PTPRK: variants seen among roughly 807,000 people sequenced by gnomAD.
PTPRK encodes the protein protein tyrosine phosphatase receptor type K, also known as receptor-type tyrosine-protein phosphatase kappa.
A neutral mutation model predicts 178.0 loss-of-function variants in PTPRK; 75 were observed. The ratio of observed to expected loss-of-function variants is 0.42; its 90% CI spans 0.35 to 0.51. PTPRK has a LOEUF of 0.51. Among genes scored for constraint, PTPRK ranks in the 20% least tolerant of loss-of-function variants. PTPRK has a pLI of 0.02. For missense variants in PTPRK, 1,441 were observed against 1,797.8 expected (o/e 0.80, Z 3.59); for synonymous variants, 637 against 620.6 (o/e 1.03, Z -0.39).
chr6:128,204,972 T>C (rs1417807100), intron 6 of PTPRK, among the ~76,000 whole-genome samples: 3 of 152,164 alleles, frequency 2.0e-5, no homozygotes, highest in South Asian at 2.1e-4. Context: ...TGTGTGTTCA[T>C]TGCAGCACTA....
chr6:128,200,654 C>G (rs1805730403), intron 6 of PTPRK, among the ~76,000 whole-genome samples: 1 of 151,336 alleles, frequency 6.6e-6, no homozygotes, highest in South Asian at 2.1e-4. Context: ...TTGCTTGTAT[C>G]TGGGAGGCTG....
chr6:128,138,245 T>G (rs779406960), intron 7 of PTPRK, among the ~76,000 whole-genome samples: 1 of 152,168 alleles, frequency 6.6e-6, no homozygotes, highest in Non-Finnish European at 1.5e-5. Context: ...AATTTCATCA[T>G]GCCTAGTAGA....
chr6:128,394,620 C>T (rs1840040428), intron 2 of PTPRK, among the ~76,000 whole-genome samples: 1 of 151,932 alleles, frequency 6.6e-6, no homozygotes, highest in African/African-American at 2.4e-5. Flanking sequence ...TTATGAAGTA[C>T]TCATTCTTCT....
intron 1 of PTPRK, among the ~76,000 whole-genome samples, chr6:128,436,710 C>G (rs1055077169): frequency 6.6e-6 from 1 of 151,890 alleles, no homozygotes; most frequent in Non-Finnish European, 1.5e-5. Context: ...CCAAGATCAC[C>G]GGATAGGAAA....
intron 28 of PTPRK, 76 bp from the exon 29 acceptor site, chr6:127,973,233 G>C (rs1774146271): frequency 6.3e-7 from 1 of 1,575,978 alleles, no homozygotes; most frequent in African/African-American, 1.4e-5. Flanking sequence ...TATATGTTTG[G>C]GAAAATAAGA....
intron 12 of PTPRK, 55 bp from the exon 13 acceptor site, chr6:128,064,849 T>C: frequency 4.6e-6 from 7 of 1,515,458 alleles, no homozygotes; most frequent in Non-Finnish European, 6.1e-6. Flanking sequence ...ATGTTTCCTG[T>C]TTCATAAACT....
chr6:128,460,632 C>A, intron 1 of PTPRK, among the ~76,000 whole-genome samples: 1 of 152,138 alleles, frequency 6.6e-6, no homozygotes, highest in South Asian at 2.1e-4. Context: ...TGTTCCTTCT[C>A]TATTAAGTCA....
At chr6:128,171,278 T>C (rs1039020996) in intron 7 of PTPRK, among the ~76,000 whole-genome samples, 5 of 152,008 alleles carry the variant, frequency 3.3e-5, no homozygotes, top group African/African-American at 4.8e-5. Context: ...CCAGAAATGA[T>C]GCAGTATTTG....
At chr6:128,008,707 AT>A (rs1778709283) in intron 14 of PTPRK, among the ~76,000 whole-genome samples, 1 of 151,168 alleles carries the variant, frequency 6.6e-6, no homozygotes, top group South Asian at 2.1e-4. Context: ...TAATGTTTAT[AT>A]TCTTCTCATA....
chr6:128,234,908 T>C (rs993079764), intron 5 of PTPRK, among the ~76,000 whole-genome samples: 1 of 152,242 alleles, frequency 6.6e-6, no homozygotes, highest in Non-Finnish European at 1.5e-5. Flanking sequence ...GCAATCACTT[T>C]ATCCAGTGTT....
chr6:128,190,301 G>A (rs78144484), intron 6 of PTPRK, among the ~76,000 whole-genome samples: 4,244 of 152,022 alleles, frequency 0.028, 163 homozygotes, highest in African/African-American at 0.066. Flanking sequence ...CAAGTTCCTT[G>A]GGAAGCCAAA....
rs201571531 is a variant in PTPRK at position 128,513,483 on chromosome 6, C to CA, written c.100+6775dup. Among the ~76,000 whole-genome samples, 234 of 82,010 alleles carry CA rather than the reference C, an allele frequency of 2.9e-3. 1 individual carries two copies. Among genetic ancestry groups the CA allele is most frequent in the South Asian group, 5.6e-3 (16 of 2,840 alleles). The allele number at this position is 82,010 out of a possible 152,430, so 53.8% of individuals were successfully genotyped here. ...GGGTGACAGGGCAAGACTCCATCTC[C>CA]AAAAAAAAAAAAAGAAAGAAAGAAA... On this transcript the variant is annotated intron_variant, in intron 1 of 29. Coordinates refer to ENST00000368226, the MANE Select transcript of PTPRK (RefSeq NM_002844.4).
chr6:128,473,252 C>T (rs1374915027), intron 1 of PTPRK, among the ~76,000 whole-genome samples: 2 of 152,068 alleles, frequency 1.3e-5, no homozygotes, highest in East Asian at 3.9e-4. Flanking sequence ...GATATTTCCT[C>T]ATGATGAGAT....
At chr6:128,086,070 T>A (rs1373357620) in intron 8 of PTPRK, among the ~76,000 whole-genome samples, 1 of 152,182 alleles carries the variant, frequency 6.6e-6, no homozygotes, top group Non-Finnish European at 1.5e-5. Flanking sequence ...GCAGGGAATG[T>A]CACTTCACAT....
intron 13 of PTPRK, among the ~76,000 whole-genome samples, chr6:128,034,414 C>T (rs549457149): frequency 2.0e-5 from 3 of 152,258 alleles, no homozygotes; most frequent in East Asian, 3.9e-4. Context: ...AAAAAGAATC[C>T]GTAAACTCTT....
At chr6:128,271,507 A>G (rs1186538608) in intron 3 of PTPRK, among the ~76,000 whole-genome samples, 1 of 152,102 alleles carries the variant, frequency 6.6e-6, no homozygotes, top group Non-Finnish European at 1.5e-5. Context: ...CCAATGTACT[A>G]ATCTCCCCTG....
At chr6:128,393,194 A>G (rs1174022733) in intron 2 of PTPRK, among the ~76,000 whole-genome samples, 1 of 151,172 alleles carries the variant, frequency 6.6e-6, no homozygotes. Flanking sequence ...CAGTTCAAGC[A>G]ATTCTCCTTC....
intron 1 of PTPRK, among the ~76,000 whole-genome samples, chr6:128,467,666 C>T (rs908930936): frequency 6.6e-6 from 1 of 152,216 alleles, no homozygotes; most frequent in Non-Finnish European, 1.5e-5. Flanking sequence ...TTCTTCCAAC[C>T]TTTCTGGCCA....
chr6:128,163,297 AATAAT>A (rs1434202007), intron 7 of PTPRK, among the ~76,000 whole-genome samples: 42 of 151,270 alleles, frequency 2.8e-4, no homozygotes, highest in African/African-American at 9.6e-4. Context: ...GAAAATAATA[AATAAT>A]ATGTTAGAAA....
Sources: gnomAD v4.1 joint callset for allele counts (sites outside exome capture counted in the v4.1 genomes callset) on GRCh38, gnomAD v4.1.1 for gene constraint, MANE v1.5 for transcripts, NCBI Gene and HGNC (gene_info 2026-07-23, HGNC 2026-07-21) for gene names.